Variants in MEIKIN observed in about 807,000 individuals in gnomAD.
MEIKIN encodes the protein meiosis-specific kinetochore protein.
At chr5:131,915,005 C>T (rs1291204967) in intron 7 of MEIKIN, among the ~76,000 whole-genome samples, 1 of 152,126 alleles carries the variant, frequency 6.6e-6, no homozygotes, top group Non-Finnish European at 1.5e-5. Flanking sequence ...TGGGGATGTT[C>T]AGGCAGAGAG....
At chr5:131,828,673 A>C (rs1395512040) in intron 11 of MEIKIN, among the ~76,000 whole-genome samples, 1 of 152,210 alleles carries the variant, frequency 6.6e-6, no homozygotes, top group Admixed American at 6.5e-5. Flanking sequence ...ATTTTTCCAA[A>C]TTAAAAGAAT....
Position 131,921,020 on chromosome 5 carries a change from C to T in MEIKIN, c.598+802G>A, listed in dbSNP as rs147461004. ...CCCAGCCATAACTTCATTCCTATCA[C>T]GAGGAAACATCAAGACAAATCCCAA... On this transcript the variant is annotated intron_variant, in intron 6 of 12. Transcript: ENST00000442687. Among the ~76,000 whole-genome samples the T allele has an allele frequency of 5.5e-3, 834 of 152,066 alleles. 3 individuals are homozygous for T. The highest frequency in any genetic ancestry group is 0.011 in the African/African-American group (443 of 41,492).
chr5:131,927,715 CTTT>C (rs1158718069), intron 5 of MEIKIN, among the ~76,000 whole-genome samples: 3 of 152,054 alleles, frequency 2.0e-5, no homozygotes. Context: ...TTTTGTTCTT[CTTT>C]GTCTCTCATG....
At chr5:131,902,705 G>A (rs554195553) in intron 8 of MEIKIN, among the ~76,000 whole-genome samples, 2 of 152,274 alleles carry the variant, frequency 1.3e-5, no homozygotes, top group Admixed American at 6.5e-5. Context: ...AGATGGGAAA[G>A]AACCAGTGCA....
At chr5:131,840,203 C>T (rs1749879634) in intron 11 of MEIKIN, among the ~76,000 whole-genome samples, 1 of 152,162 alleles carries the variant, frequency 6.6e-6, no homozygotes, top group African/African-American at 2.4e-5. Context: ...TCTCTTCTGC[C>T]TTTTAGGGTT....
intron 6 of MEIKIN, among the ~76,000 whole-genome samples, chr5:131,920,305 C>T (rs558356557): frequency 4.3e-4 from 65 of 152,122 alleles, no homozygotes; most frequent in African/African-American, 1.5e-3. Context: ...TCTTCTTTTA[C>T]AGTAAAATTC....
intron 8 of MEIKIN, among the ~76,000 whole-genome samples, chr5:131,892,035 A>C (rs980884940): frequency 6.6e-6 from 1 of 152,090 alleles, no homozygotes; most frequent in African/African-American, 2.4e-5. Context: ...AGAATGTTGA[A>C]TATTGGCCCC....
chr5:131,935,539 G>C (rs1374047545), intron 4 of MEIKIN, among the ~76,000 whole-genome samples: 1 of 152,094 alleles, frequency 6.6e-6, no homozygotes, highest in Non-Finnish European at 1.5e-5. Flanking sequence ...GCTATATTTA[G>C]TCTACATTTA....
chr5:131,913,735 C>T lies in MEIKIN; in HGVS notation c.639-1856G>A, dbSNP rs561009226. On this transcript the variant is annotated intron_variant, in intron 7 of 12. Transcript: ENST00000442687. ...AATAAGGAATGGGGGTACTTGTCAA[C>T]GATTTGTGTTCATCAGTAAGGCCAC... Among the ~76,000 whole-genome samples the T allele has an allele frequency of 2.3e-3, 352 of 152,322 alleles. 1 individual carries two copies. Among genetic ancestry groups the T allele is most frequent in the African/African-American group, 7.9e-3 (328 of 41,576 alleles).
At chr5:131,939,073 T>C (rs1409703915) in intron 4 of MEIKIN, among the ~76,000 whole-genome samples, 3 of 152,218 alleles carry the variant, frequency 2.0e-5, no homozygotes, top group African/African-American at 7.2e-5. Flanking sequence ...CATCAAAATA[T>C]ACAGACTTTC....
At chr5:131,855,250 A>G (rs1462764989) in intron 9 of MEIKIN, among the ~76,000 whole-genome samples, 1 of 152,230 alleles carries the variant, frequency 6.6e-6, no homozygotes, top group East Asian at 1.9e-4. Flanking sequence ...AGAAAGTATA[A>G]GTTATTTCTG....
chr5:131,879,774 T>C (rs1193780269), intron 8 of MEIKIN, among the ~76,000 whole-genome samples: 1 of 152,250 alleles, frequency 6.6e-6, no homozygotes, highest in Non-Finnish European at 1.5e-5. Context: ...GGAACATTTC[T>C]AACCTGGCTC....
intron 11 of MEIKIN, among the ~76,000 whole-genome samples, 193 bp downstream of exon 11, chr5:131,851,071 T>TA (rs1750107162): frequency 6.6e-6 from 1 of 152,150 alleles, no homozygotes; most frequent in South Asian, 2.1e-4. Flanking sequence ...CTGTACTTCA[T>TA]AAAAAATATA....
chr5:131,927,061 T>C (rs911391432), intron 5 of MEIKIN, among the ~76,000 whole-genome samples: 2 of 152,234 alleles, frequency 1.3e-5, no homozygotes, highest in Non-Finnish European at 2.9e-5. Flanking sequence ...CATTCTTTTT[T>C]TCTAGTTCCT....
chr5:131,824,521 TAAAAC>T (rs548557798), intron 11 of MEIKIN, among the ~76,000 whole-genome samples: 111 of 151,884 alleles, frequency 7.3e-4, no homozygotes, highest in Middle Eastern at 3.4e-3. Flanking sequence ...CATCCTGTCT[TAAAAC>T]AAAACAAAAC....
At chr5:131,821,224 T>A (rs1237493738) in intron 11 of MEIKIN, among the ~76,000 whole-genome samples, 1 of 152,204 alleles carries the variant, frequency 6.6e-6, no homozygotes, top group African/African-American at 2.4e-5. Flanking sequence ...TTCAATAATA[T>A]TTTCAATTTC....
chr5:131,910,411 C>A (rs1751315008), intron 8 of MEIKIN, among the ~76,000 whole-genome samples: 1 of 151,722 alleles, frequency 6.6e-6, no homozygotes, highest in African/African-American at 2.4e-5. Context: ...AGGATGGTTA[C>A]CAGAGGCTGA....
chr5:131,889,777 T>C (rs1310481310), intron 8 of MEIKIN, among the ~76,000 whole-genome samples: 2 of 152,160 alleles, frequency 1.3e-5, no homozygotes, highest in Non-Finnish European at 2.9e-5. Context: ...AGAGGGCATC[T>C]TTGGCTTGTG....
chr5:131,873,947 G>A lies in MEIKIN; in HGVS notation c.774+5031C>T, dbSNP rs184242668. On this transcript the variant is annotated intron_variant, in intron 9 of 12. Coordinates refer to ENST00000442687, the MANE Select transcript of MEIKIN (RefSeq NM_001303622.2). ...AATAAAGATGTTCTTTGAAACCAACGACAACAAAGACACAACATACCAGAA... is the reference window on the plus strand; with the variant it reads ...AATAAAGATGTTCTTTGAAACCAACAACAACAAAGACACAACATACCAGAA... Among the ~76,000 whole-genome samples, 807 of 152,190 alleles carry A rather than the reference G, an allele frequency of 5.3e-3. 6 individuals carry two copies. The highest frequency in any genetic ancestry group is 0.018 in the African/African-American group (760 of 41,508).
Sources: gnomAD v4.1 joint callset for allele counts (sites outside exome capture counted in the v4.1 genomes callset) on GRCh38, gnomAD v4.1.1 for gene constraint, MANE v1.5 for transcripts, NCBI Gene and HGNC (gene_info 2026-07-23, HGNC 2026-07-21) for gene names.